The following FGGY variants were observed in gnomAD, a reference collection of about 807,000 sequenced individuals.
The protein encoded by FGGY is FGGY carbohydrate kinase domain-containing protein.
A neutral mutation model predicts 71.3 loss-of-function variants in FGGY; 72 were observed. The ratio of observed to expected loss-of-function variants is 1.01; its 90% CI spans 0.84 to 1.23. FGGY has a LOEUF of 1.23. Among genes scored for constraint, FGGY ranks in the 50% most tolerant of loss-of-function variants. The probability of loss-of-function intolerance (pLI) is 0.00; values close to 1 mark genes in which losing one functional copy is unlikely to be tolerated. For synonymous variants in FGGY, 251 were observed against 250.3 expected, an observed-to-expected ratio of 1.00 and a Z score of -0.02; for missense variants, 668 against 682.3, an observed-to-expected ratio of 0.98 and a Z score of 0.23.
At chr1:59,652,998 T>C (rs1287908706) in intron 11 of FGGY, among the ~76,000 whole-genome samples, 1 of 152,032 alleles carries the variant, frequency 6.6e-6, no homozygotes, top group Non-Finnish European at 1.5e-5. Flanking sequence ...GCAGGTCTGT[T>C]GGAATACCCT....
chr1:59,535,094 C>A (rs939982536), intron 7 of FGGY, among the ~76,000 whole-genome samples: 15 of 152,148 alleles, frequency 9.9e-5, no homozygotes, highest in East Asian at 1.9e-4. Context: ...CCCATCTCAC[C>A]TGCAGAGACA....
chr1:59,545,002 G>A (rs557492036), intron 7 of FGGY, among the ~76,000 whole-genome samples: 98 of 152,240 alleles, frequency 6.4e-4, no homozygotes, highest in African/African-American at 2.2e-3. Context: ...TGCTTTAGGA[G>A]CCCCTGCCTC....
At chr1:59,407,690 C>A (rs1230939517) in intron 5 of FGGY, among the ~76,000 whole-genome samples, 1 of 152,120 alleles carries the variant, frequency 6.6e-6, no homozygotes. Flanking sequence ...TGTGAGATTC[C>A]CTGAGGGCTC....
At chr1:59,693,488 C>A (rs755034228) in intron 14 of FGGY, among the ~76,000 whole-genome samples, 15 of 152,252 alleles carry the variant, frequency 9.9e-5, no homozygotes, top group Middle Eastern at 3.4e-3. Context: ...CAGTGCCTGG[C>A]ACAGGCAGCG....
chr1:59,489,019 T>C (rs1419019468), intron 6 of FGGY, among the ~76,000 whole-genome samples: 1 of 152,134 alleles, frequency 6.6e-6, no homozygotes, highest in African/African-American at 2.4e-5. Context: ...ATGTTATTCA[T>C]GTATATCTTC....
chr1:59,581,123 A>G (rs532670800), intron 8 of FGGY, among the ~76,000 whole-genome samples: 1 of 137,358 alleles, frequency 7.3e-6, no homozygotes, highest in South Asian at 2.3e-4. Flanking sequence ...TTAGTGCTGC[A>G]CCTCCATAGT....
intron 1 of FGGY, among the ~76,000 whole-genome samples, chr1:59,312,564 G>T (rs1244494544): frequency 6.6e-6 from 1 of 152,204 alleles, no homozygotes; most frequent in Non-Finnish European, 1.5e-5. Context: ...GAGGGTGTAA[G>T]CAGGGTTTTA....
intron 4 of FGGY, among the ~76,000 whole-genome samples, chr1:59,372,336 A>G (rs1336496013): frequency 6.6e-6 from 1 of 152,252 alleles, no homozygotes; most frequent in Non-Finnish European, 1.5e-5. Context: ...CTTGACACAT[A>G]CACTCTCCCA....
At chr1:59,636,545 C>T (rs1054346520) in intron 10 of FGGY, among the ~76,000 whole-genome samples, 1 of 152,138 alleles carries the variant, frequency 6.6e-6, no homozygotes, top group South Asian at 2.1e-4. Flanking sequence ...ATGGCGTGAA[C>T]CCGGGAGGCG....
intron 4 of FGGY, among the ~76,000 whole-genome samples, chr1:59,354,241 A>C (rs527488163): frequency 6.3e-4 from 96 of 152,024 alleles, no homozygotes; most frequent in African/African-American, 2.3e-3. Context: ...CCATGCCCAG[A>C]TAATTTGTGT....
intron 14 of FGGY, among the ~76,000 whole-genome samples, chr1:59,721,265 AT>A (rs2097889868): frequency 6.8e-6 from 1 of 146,210 alleles, no homozygotes; most frequent in Admixed American, 6.8e-5. Context: ...AATAAACTTT[AT>A]TTTTAGAAGA....
chr1:59,573,859 G>A (rs538391126), intron 8 of FGGY, among the ~76,000 whole-genome samples: 1 of 152,258 alleles, frequency 6.6e-6, no homozygotes, highest in Non-Finnish European at 1.5e-5. Context: ...GGCCCTGGAA[G>A]CCAAGGAAAC....
At chr1:59,513,633 A>G (rs1395091429) in intron 7 of FGGY, among the ~76,000 whole-genome samples, 1 of 152,194 alleles carries the variant, frequency 6.6e-6, no homozygotes, top group Non-Finnish European at 1.5e-5. Context: ...ATATATCTGC[A>G]TGTCATTTCC....
At chr1:59,321,867 A>C in intron 2 of FGGY, 117 bp downstream of exon 2, 4 of 1,010,532 alleles carry the variant, frequency 4.0e-6, no homozygotes, top group Non-Finnish European at 5.8e-6. Flanking sequence ...TAAGCAAGAC[A>C]TAGGCCTTGC....
chr1:59,560,887 C>A (rs148616836), intron 8 of FGGY, among the ~76,000 whole-genome samples: 45 of 152,254 alleles, frequency 3.0e-4, no homozygotes, highest in African/African-American at 1.1e-3. Context: ...GCTTCCCCGC[C>A]CCCACTGAGA....
chr1:59,589,545 C>T (rs1325031808), intron 8 of FGGY, among the ~76,000 whole-genome samples: 3 of 152,194 alleles, frequency 2.0e-5, no homozygotes, highest in Non-Finnish European at 4.4e-5. Flanking sequence ...AAGTAAAGCT[C>T]TCCTGAGCAA....
At chr1:59,329,865 C>T (rs1348809802) in intron 2 of FGGY, among the ~76,000 whole-genome samples, 1 of 152,160 alleles carries the variant, frequency 6.6e-6, no homozygotes, top group African/African-American at 2.4e-5. Flanking sequence ...TTCAAGTGCT[C>T]AATAGCCACA....
At chr1:59,679,112 C>T (rs892575081) in intron 14 of FGGY, among the ~76,000 whole-genome samples, 4 of 152,194 alleles carry the variant, frequency 2.6e-5, no homozygotes, top group Non-Finnish European at 5.9e-5. Context: ...CCATGCTGAC[C>T]GCAGTGGTCT....
intron 5 of FGGY, among the ~76,000 whole-genome samples, chr1:59,388,676 A>G (rs1376731777): frequency 2.0e-5 from 3 of 152,204 alleles, no homozygotes; most frequent in African/African-American, 4.8e-5. Flanking sequence ...TATAGTATAC[A>G]TAATTACATA....
Sources: allele counts gnomAD v4.1 joint callset (sites outside exome capture counted in the v4.1 genomes callset), GRCh38; gene constraint gnomAD v4.1.1; transcripts MANE v1.5; gene names NCBI Gene and HGNC (gene_info 2026-07-23, HGNC 2026-07-21).